Variants in CDH13 observed in about 807,000 individuals in gnomAD.
CDH13 encodes the protein cadherin 13.
In CDH13, 24 loss-of-function variants were observed where a neutral mutation model predicts 63.8. The ratio of observed to expected loss-of-function variants is 0.38; its 90% CI spans 0.27 to 0.53. The LOEUF is 0.53. Among genes scored for constraint, CDH13 ranks in the 20% least tolerant of loss-of-function variants. The pLI is 0.85. For missense variants in CDH13, 1,049 were observed against 903.1 expected, an observed-to-expected ratio of 1.16 and a Z score of -2.07; for synonymous variants, 503 against 355.3, an observed-to-expected ratio of 1.42 and a Z score of -4.67.
chr16:83,603,063 G>A (rs1387356085), intron 8 of CDH13, among the ~76,000 whole-genome samples: 2 of 152,180 alleles, frequency 1.3e-5, no homozygotes, highest in Non-Finnish European at 2.9e-5. Context: ...AGCTCATCCA[G>A]GAGAGCCATT....
At chr16:83,169,331 C>G (rs911835478) in intron 4 of CDH13, among the ~76,000 whole-genome samples, 2 of 152,002 alleles carry the variant, frequency 1.3e-5, no homozygotes, top group Admixed American at 6.6e-5. Context: ...CGCCTGCCAC[C>G]ACACCCAGCT....
intron 7 of CDH13, among the ~76,000 whole-genome samples, chr16:83,518,030 G>A (rs886740972): frequency 1.3e-5 from 2 of 152,162 alleles, no homozygotes; most frequent in African/African-American, 4.8e-5. Flanking sequence ...AATTGTAGTT[G>A]TCATAATCTC....
At chr16:83,313,381 T>C (rs141022681) in intron 5 of CDH13, among the ~76,000 whole-genome samples, 23 of 152,306 alleles carry the variant, frequency 1.5e-4, no homozygotes, top group African/African-American at 5.1e-4. Flanking sequence ...CTATATACCA[T>C]TCAGCATATG....
chr16:82,992,062 A>G (rs1303991213), intron 2 of CDH13, among the ~76,000 whole-genome samples: 1 of 152,206 alleles, frequency 6.6e-6, no homozygotes, highest in Non-Finnish European at 1.5e-5. Flanking sequence ...GAGGAAGAAG[A>G]AGAGTATTTC....
rs2030175300 is a variant in CDH13 at position 83,050,382 on chromosome 16, A to C, written c.366+18164A>C. ...GAGAAGTCACCCAACTGTCTTCTAC[A>C]GCAGCTGAACCACTTTAATTCCCAG... On this transcript the variant is annotated intron_variant, in intron 3 of 13. Coordinates refer to ENST00000567109, the MANE Select transcript of CDH13 (RefSeq NM_001257.5). Among the ~76,000 whole-genome samples the C allele has an allele frequency of 3.3e-5, 5 of 152,306 alleles. No individual in the cohort carries two copies. The South Asian group carries it at 1.0e-3, about 32-fold the overall frequency.
chr16:83,470,668 A>C (rs1166229767), intron 6 of CDH13, among the ~76,000 whole-genome samples: 1 of 152,134 alleles, frequency 6.6e-6, no homozygotes, highest in Non-Finnish European at 1.5e-5. Context: ...CCAAATGATA[A>C]TAGCAGCCAC....
At chr16:82,699,590 A>C (rs1053744738) in intron 1 of CDH13, among the ~76,000 whole-genome samples, 1 of 152,204 alleles carries the variant, frequency 6.6e-6, no homozygotes, top group Non-Finnish European at 1.5e-5. Flanking sequence ...TAGAAATGGT[A>C]TTTAAGAGAA....
chr16:82,771,779 T>C (rs7201067), intron 1 of CDH13, among the ~76,000 whole-genome samples: 58,517 of 152,170 alleles, frequency 0.38, 12,557 homozygotes, highest in East Asian at 0.74. Flanking sequence ...AAGTGGGAAC[T>C]GAGTTTGGCA....
intron 10 of CDH13, among the ~76,000 whole-genome samples, chr16:83,740,928 A>G (rs1398242502): frequency 6.6e-6 from 1 of 152,228 alleles, no homozygotes; most frequent in Non-Finnish European, 1.5e-5. Flanking sequence ...TGAGTCTGTA[A>G]CTTCGGAAGG....
intron 5 of CDH13, among the ~76,000 whole-genome samples, chr16:83,304,168 T>G (rs2151879233): frequency 6.6e-6 from 1 of 152,246 alleles, no homozygotes; most frequent in South Asian, 2.1e-4. Flanking sequence ...GAGGGCTGGA[T>G]TATGAAGACT....
intron 6 of CDH13, among the ~76,000 whole-genome samples, chr16:83,365,883 C>G (rs2091249069): frequency 6.6e-6 from 1 of 152,118 alleles, no homozygotes; most frequent in African/African-American, 2.4e-5. Flanking sequence ...CCAAATGATG[C>G]TGGAAAAGGA....
At chr16:82,709,023 G>A (rs775832835) in intron 1 of CDH13, among the ~76,000 whole-genome samples, 37 of 152,316 alleles carry the variant, frequency 2.4e-4, no homozygotes, top group Non-Finnish European at 4.7e-4. Flanking sequence ...GTTGAGAAGT[G>A]GGGACAGGCC....
intron 1 of CDH13, among the ~76,000 whole-genome samples, chr16:82,821,546 G>A (rs140802596): frequency 6.6e-6 from 1 of 152,238 alleles, no homozygotes; most frequent in East Asian, 1.9e-4. Context: ...TCAAACCTGG[G>A]CTTGGATGTT....
At chr16:83,133,127 G>A (rs1428922280) in intron 4 of CDH13, among the ~76,000 whole-genome samples, 1 of 152,128 alleles carries the variant, frequency 6.6e-6, no homozygotes, top group South Asian at 2.1e-4. Context: ...ATTTTAATTG[G>A]GGCTCAAAAA....
At chr16:82,905,936 A>G (rs1382457193) in intron 2 of CDH13, among the ~76,000 whole-genome samples, 1 of 152,112 alleles carries the variant, frequency 6.6e-6, no homozygotes, top group Non-Finnish European at 1.5e-5. Flanking sequence ...GCTCTGTTGA[A>G]ATTTTTCTTT....
chr16:83,528,844 A>G (rs1019153940), intron 7 of CDH13, among the ~76,000 whole-genome samples: 1 of 152,198 alleles, frequency 6.6e-6, no homozygotes, highest in Non-Finnish European at 1.5e-5. Context: ...CAGTCTCCCC[A>G]TGCCTTTTTT....
At chr16:83,694,431 G>A (rs969583488) in intron 10 of CDH13, among the ~76,000 whole-genome samples, 8 of 152,152 alleles carry the variant, frequency 5.3e-5, no homozygotes, top group African/African-American at 1.7e-4. Flanking sequence ...GGATGATAAA[G>A]GATGGGGAGC....
intron 2 of CDH13, among the ~76,000 whole-genome samples, chr16:82,976,987 C>T (rs1202375724): frequency 1.3e-5 from 2 of 152,210 alleles, no homozygotes; most frequent in African/African-American, 4.8e-5. Context: ...GTCTATTATA[C>T]ACAGTCTAAT....
In CDH13 at chr16:83,670,941, A is replaced by C. The variant is rs994806118; in HGVS notation, c.1253A>C (p.Gln418Pro). 6 of 1,606,066 alleles carry C rather than the reference A, an allele frequency of 3.7e-6. No individual in the cohort carries two copies. In the African/African-American group the frequency reaches 6.7e-5, roughly 18 times the overall value. Reference sequence around the variant, plus strand: ...AGCTTTGAAATCCACACCAACCCTCAAACCAACGAAGGGATGCTTTCTGTT... The same window carrying C: ...AGCTTTGAAATCCACACCAACCCTCCAACCAACGAAGGGATGCTTTCTGTT... ...GQSFEIHTNP[Q>P]TNEGMLSVVK... The change falls in exon 9 of 14, where the codon CAA becomes CCA. Residue 418 changes from glutamine (Q) to proline (P), a missense_variant. Coordinates refer to ENST00000567109, the MANE Select transcript of CDH13 (RefSeq NM_001257.5).
Sources: allele counts gnomAD v4.1 joint callset (sites outside exome capture counted in the v4.1 genomes callset), GRCh38; gene constraint gnomAD v4.1.1; transcripts MANE v1.5; gene names NCBI Gene and HGNC (gene_info 2026-07-23, HGNC 2026-07-21).